The following TUSC3 variants were observed in gnomAD, a reference collection of about 807,000 sequenced individuals.
TUSC3 encodes tumor suppressor candidate 3, also known as dolichyl-diphosphooligosaccharide--protein glycosyltransferase subunit TUSC3.
In TUSC3, 45 loss-of-function variants were observed where a neutral mutation model predicts 44.8. The observed-to-expected ratio is 1.00, with a 90% confidence interval of 0.79 to 1.29. TUSC3 has a LOEUF of 1.29. Among genes scored for constraint, TUSC3 ranks in the 50% most tolerant of loss-of-function variants. The probability of loss-of-function intolerance (pLI) is 0.00; values close to 1 mark genes in which losing one functional copy is unlikely to be tolerated. For synonymous variants in TUSC3, 212 were observed against 152.9 expected (o/e 1.39, Z -2.85); for missense variants, 519 against 437.9 (o/e 1.19, Z -1.65).
At chr8:15,714,770 A>G (rs965889176) in intron 6 of TUSC3, among the ~76,000 whole-genome samples, 2 of 152,180 alleles carry the variant, frequency 1.3e-5, no homozygotes, top group Non-Finnish European at 2.9e-5. Flanking sequence ...TTCAAAAGAA[A>G]GATGTATATT....
At chr8:15,661,279 T>G (rs1199434493) in intron 4 of TUSC3, among the ~76,000 whole-genome samples, 1 of 152,076 alleles carries the variant, frequency 6.6e-6, no homozygotes, top group African/African-American at 2.4e-5. Flanking sequence ...ATTGTCCACC[T>G]TCAGTACAAG....
intron 2 of TUSC3, among the ~76,000 whole-genome samples, chr8:15,532,773 A>G (rs60204603): frequency 0.2 from 30,698 of 152,156 alleles, 3,347 homozygotes; most frequent in South Asian, 0.35. Flanking sequence ...TGCTGTTCTC[A>G]TGATAATGAA....
intron 1 of TUSC3, among the ~76,000 whole-genome samples, chr8:15,584,836 A>G (rs946717940): frequency 6.6e-6 from 1 of 152,116 alleles, no homozygotes; most frequent in Non-Finnish European, 1.5e-5. Flanking sequence ...ACAGGGTTCT[A>G]TTGGGATTTA....
intron 10 of TUSC3, among the ~76,000 whole-genome samples, chr8:15,762,388 T>C (rs1812198715): frequency 6.6e-6 from 1 of 151,738 alleles, no homozygotes; most frequent in African/African-American, 2.4e-5. Context: ...GTTAAGAAAA[T>C]TACTAAATGA....
At chr8:15,619,877 A>G (rs1308098429) in intron 1 of TUSC3, among the ~76,000 whole-genome samples, 2 of 152,150 alleles carry the variant, frequency 1.3e-5, no homozygotes, top group Non-Finnish European at 2.9e-5. Flanking sequence ...AGGATAATGG[A>G]CATGAGTTTT....
At chr8:15,524,448 C>G (rs151245110) in intron 2 of TUSC3, among the ~76,000 whole-genome samples, 3 of 152,200 alleles carry the variant, frequency 2.0e-5, no homozygotes, top group African/African-American at 4.8e-5. Context: ...GTAATAACGT[C>G]TTACATTTCC....
At chr8:15,814,964 G>C in the TUSC3 span, among the ~76,000 whole-genome samples, 1 of 152,138 alleles carries the variant, frequency 6.6e-6, no homozygotes, top group Non-Finnish European at 1.5e-5. Flanking sequence ...CAAATTGTTT[G>C]TTGTTTAGTT....
chr8:15,768,354 A>G (rs1812383873), downstream of TUSC3, among the ~76,000 whole-genome samples: 1 of 152,288 alleles, frequency 6.6e-6, no homozygotes, highest in Admixed American at 6.5e-5. Context: ...TCTAGTTTCC[A>G]GAGTTGCCAC....
chr8:15,833,842 TAA>T, the TUSC3 span, among the ~76,000 whole-genome samples: 118 of 148,684 alleles, frequency 7.9e-4, no homozygotes, highest in Admixed American at 1.3e-3. Flanking sequence ...ACTTAAAAGT[TAA>T]AAAAAAAAAA....
At chr8:15,629,745 A>T (rs1475905123) in intron 2 of TUSC3, among the ~76,000 whole-genome samples, 1 of 151,822 alleles carries the variant, frequency 6.6e-6, no homozygotes, top group East Asian at 1.9e-4. Context: ...TTAAAAAAAA[A>T]AAAAGCGAAA....
chr8:15,443,852 C>T (rs767602290), intron 1 of TUSC3, among the ~76,000 whole-genome samples: 6 of 152,098 alleles, frequency 3.9e-5, no homozygotes, highest in South Asian at 2.1e-4. Flanking sequence ...ACCACCCAGA[C>T]GGATAAACTG....
intron 2 of TUSC3, among the ~76,000 whole-genome samples, chr8:15,503,401 A>G (rs1055834698): frequency 3.3e-5 from 5 of 152,108 alleles, no homozygotes; most frequent in African/African-American, 1.2e-4. Context: ...GCCCTGGAAA[A>G]CTAATACTTG....
the TUSC3 span, among the ~76,000 whole-genome samples, chr8:15,798,918 A>G: frequency 6.6e-5 from 10 of 152,104 alleles, no homozygotes; most frequent in African/African-American, 2.4e-4. Flanking sequence ...AATTTATCTA[A>G]ATTTCATTGG....
chr8:15,423,069 CATG>C, intron 1 of TUSC3, among the ~76,000 whole-genome samples: 1 of 152,162 alleles, frequency 6.6e-6, no homozygotes, highest in Admixed American at 6.5e-5. Context: ...TCTATCAAAA[CATG>C]AGGTGGAAAT....
chr8:15,781,526 G>A, the TUSC3 span, among the ~76,000 whole-genome samples: 2 of 152,274 alleles, frequency 1.3e-5, no homozygotes, highest in Admixed American at 6.5e-5. Context: ...AAGACCATCA[G>A]TGGCTTTTTC....
intron 1 of TUSC3, among the ~76,000 whole-genome samples, chr8:15,466,370 G>A (rs1800414645): frequency 6.6e-6 from 1 of 152,070 alleles, no homozygotes; most frequent in Non-Finnish European, 1.5e-5. Context: ...GCAATTACAT[G>A]ACTTTCTATA....
intron 7 of TUSC3, among the ~76,000 whole-genome samples, chr8:15,734,894 G>A (rs529849337): frequency 1.2e-4 from 19 of 152,324 alleles, no homozygotes; most frequent in Non-Finnish European, 2.4e-4. Context: ...GAGGAGATTG[G>A]TGAAAGTTAG....
chr8:15,612,872 A>AC (rs1804820848), intron 1 of TUSC3, among the ~76,000 whole-genome samples: 1 of 151,920 alleles, frequency 6.6e-6, no homozygotes, highest in Admixed American at 6.6e-5. Flanking sequence ...CCAACCGATC[A>AC]CCCACTCTTC....
chr8:15,614,015 ATTT>A (rs35240351), intron 1 of TUSC3, among the ~76,000 whole-genome samples: 27 of 105,584 alleles, frequency 2.6e-4, no homozygotes, highest in Admixed American at 3.8e-4. Flanking sequence ...GTGTTTTGTT[ATTT>A]TTTTTTTTTT....
Sources: gnomAD v4.1 joint callset for allele counts (sites outside exome capture counted in the v4.1 genomes callset) on GRCh38, gnomAD v4.1.1 for gene constraint, MANE v1.5 for transcripts, NCBI Gene and HGNC (gene_info 2026-07-23, HGNC 2026-07-21) for gene names.